PRKD3: variants seen among roughly 807,000 people sequenced by gnomAD.
PRKD3 encodes serine/threonine-protein kinase D3.
A neutral mutation model predicts 99.2 loss-of-function variants in PRKD3; 47 were observed. The ratio of observed to expected loss-of-function variants is 0.47; its 90% CI spans 0.38 to 0.60. PRKD3 has a LOEUF of 0.60. PRKD3 is among the 20% of genes least tolerant of loss of function. PRKD3 has a pLI of 0.00. For missense variants in PRKD3, 1,019 were observed against 1,088.4 expected, an observed-to-expected ratio of 0.94 and a Z score of 0.90; for synonymous variants, 392 against 355.4, an observed-to-expected ratio of 1.10 and a Z score of -1.16.
At chr2:37,286,487 G>C in intron 5 of PRKD3, 118 bp from the exon 6 acceptor site, 1 of 813,196 alleles carries the variant, frequency 1.2e-6, no homozygotes, top group South Asian at 2.1e-5. Context: ...CTCTAAAAAT[G>C]TTGTTCTCAG....
chr2:37,266,518 C>G (rs1338765728), intron 14 of PRKD3, among the ~76,000 whole-genome samples: 2 of 147,738 alleles, frequency 1.4e-5, no homozygotes, highest in African/African-American at 5.0e-5. Context: ...TGGAGTTTTG[C>G]TGTTGTTGCC....
chr2:37,277,358 C>G (rs1669627869), intron 9 of PRKD3, among the ~76,000 whole-genome samples: 1 of 152,152 alleles, frequency 6.6e-6, no homozygotes, highest in South Asian at 2.1e-4. Context: ...CTTAGGCAGT[C>G]TAGCTCCAAA....
chr2:37,314,224 G>A (rs1671565655), intron 2 of PRKD3, among the ~76,000 whole-genome samples: 1 of 152,194 alleles, frequency 6.6e-6, no homozygotes, highest in Admixed American at 6.5e-5. Context: ...AAGAGTAGAA[G>A]ACACGGGAGA....
At position 37,292,636 on chromosome 2, in the gene PRKD3, G is replaced by C. The variant is rs536073350; in HGVS notation, c.427+497C>G. Among the ~76,000 whole-genome samples, 7 of 150,842 alleles carry C rather than the reference G, an allele frequency of 4.6e-5. No individual in the cohort carries two copies. The South Asian group carries it at 1.5e-3, about 32-fold the overall frequency. ...GCTGGGATTACAGGCGTGAGCCACC[G>C]CGCCAGGCCTTTCTTTTGCTTTTTT... On this transcript the variant is annotated intron_variant, in intron 3 of 18. Coordinates refer to ENST00000234179, the MANE Select transcript of PRKD3 (RefSeq NM_005813.6).
At chr2:37,291,457 A>T (rs1670417998) in intron 3 of PRKD3, among the ~76,000 whole-genome samples, 1 of 152,230 alleles carries the variant, frequency 6.6e-6, no homozygotes, top group Admixed American at 6.5e-5. Context: ...CCTAGTGGAT[A>T]TGAGAAAGAA....
intron 2 of PRKD3, among the ~76,000 whole-genome samples, chr2:37,312,476 T>C (rs960363181): frequency 2.0e-5 from 3 of 152,332 alleles, no homozygotes; most frequent in Non-Finnish European, 4.4e-5. Flanking sequence ...GTCAAAGTCT[T>C]GTTATAGCTC....
intron 2 of PRKD3, among the ~76,000 whole-genome samples, chr2:37,314,336 A>C (rs1251784459): frequency 6.6e-6 from 1 of 152,152 alleles, no homozygotes; most frequent in South Asian, 2.1e-4. Flanking sequence ...ACAATCAATA[A>C]CTATTTTATA....
chr2:37,320,940 G>A (rs897558056), intron 1 of PRKD3, among the ~76,000 whole-genome samples: 6 of 151,900 alleles, frequency 3.9e-5, no homozygotes, highest in Admixed American at 3.3e-4. Flanking sequence ...TCAGATTTCT[G>A]CCCACTCTTT....
intron 7 of PRKD3, 62 bp from the exon 8 acceptor site, chr2:37,279,991 A>G (rs371087841): frequency 1.7e-6 from 2 of 1,174,116 alleles, no homozygotes; most frequent in Non-Finnish European, 1.2e-6. Context: ...ATTAAATGTG[A>G]AAAAAGTCTT....
At chr2:37,272,142 C>T (rs1396493628) in intron 12 of PRKD3, among the ~76,000 whole-genome samples, 2 of 152,156 alleles carry the variant, frequency 1.3e-5, no homozygotes, top group Non-Finnish European at 2.9e-5. Flanking sequence ...TTGAACCAGT[C>T]TTATCACTTT....
chr2:37,259,337 T>C (rs1292229522), intron 16 of PRKD3, among the ~76,000 whole-genome samples: 3 of 152,188 alleles, frequency 2.0e-5, no homozygotes, highest in African/African-American at 7.2e-5. Context: ...TCCCAGCCCC[T>C]GGGGAGAGGT....
intron 2 of PRKD3, among the ~76,000 whole-genome samples, chr2:37,299,804 C>T (rs1381143106): frequency 6.6e-6 from 1 of 152,114 alleles, no homozygotes; most frequent in Non-Finnish European, 1.5e-5. Context: ...CATCACTAAT[C>T]ATCAGAGAAA....
chr2:37,312,412 T>C (rs1671467596), intron 2 of PRKD3, among the ~76,000 whole-genome samples: 1 of 152,206 alleles, frequency 6.6e-6, no homozygotes, highest in Admixed American at 6.5e-5. Context: ...TCAAATGTGG[T>C]CATGGCACAG....
Position 37,253,349 on chromosome 2 carries a change from T to G in PRKD3, c.2501A>C (p.Asp834Ala). Reference sequence around the variant, plus strand: ...TCTAAGGTCAAGCCAAGTCTGATAGTCCTAGGAGAAAATGAAATTGTAATG... The same window carrying G: ...TCTAAGGTCAAGCCAAGTCTGATAGGCCTAGGAGAAAATGAAATTGTAATG... The part of the protein sequence containing the change: ...DKSLSHPWLQ[D>A]YQTWLDLREF... The change falls in exon 19 of 19, where the codon GAC (aspartate) becomes GCC (alanine). Residue 834 changes from aspartate (D) to alanine (A), a missense_variant and splice_region_variant. Physicochemically the swap from Asp to Ala is moderately radical, Grantham distance 126. This residue lies in a region of PRKD3 where 125 missense variants were observed against 120.6 expected (regional missense o/e 1.04). Transcript: ENST00000234179. 3 of 1,596,620 alleles carry G rather than the reference T, an allele frequency of 1.9e-6. No homozygotes were observed. Among genetic ancestry groups the G allele is most frequent in the Non-Finnish European group, 1.7e-6 (2 of 1,169,674 alleles).
intron 3 of PRKD3, among the ~76,000 whole-genome samples, chr2:37,292,409 G>A (rs1430740884): frequency 2.7e-5 from 4 of 150,688 alleles, no homozygotes; most frequent in Non-Finnish European, 5.9e-5. Context: ...GCAGTGGTGC[G>A]ATCTCGGCTC....
chr2:37,267,614 A>G, intron 13 of PRKD3, 78 bp from the exon 14 acceptor site: 9 of 1,042,218 alleles, frequency 8.6e-6, no homozygotes, highest in South Asian at 1.4e-5. Context: ...ACTGAAATTT[A>G]TATGTATTTA....
At chr2:37,260,766 T>C (rs1391616665) in intron 14 of PRKD3, among the ~76,000 whole-genome samples, 1 of 152,226 alleles carries the variant, frequency 6.6e-6, no homozygotes, top group Non-Finnish European at 1.5e-5. Flanking sequence ...TTGGGGGCTG[T>C]ATTTGTGATG....
At chr2:37,309,329 C>T (rs185771769) in intron 2 of PRKD3, among the ~76,000 whole-genome samples, 161 of 152,200 alleles carry the variant, frequency 1.1e-3, no homozygotes, top group African/African-American at 3.7e-3. Context: ...TTAACTGTTC[C>T]TATCCCTTTA....
chr2:37,259,031 G>C (rs930140488), intron 16 of PRKD3, among the ~76,000 whole-genome samples: 1 of 145,132 alleles, frequency 6.9e-6, no homozygotes, highest in Non-Finnish European at 1.5e-5. Flanking sequence ...AATAAATTTA[G>C]TGGATCAAGA....
Sources: allele counts gnomAD v4.1 joint callset (sites outside exome capture counted in the v4.1 genomes callset), GRCh38; gene constraint gnomAD v4.1.1; regional missense constraint gnomAD v4.1.1; transcripts MANE v1.5; gene names NCBI Gene and HGNC (gene_info 2026-07-23, HGNC 2026-07-21).